The following NELL1 variants were observed in gnomAD, a reference collection of about 807,000 sequenced individuals.
NELL1 encodes neural EGFL like 1, also known as protein kinase C-binding protein NELL1.
In NELL1, 76 loss-of-function variants were observed where a neutral mutation model predicts 107.4. The ratio of observed to expected loss-of-function variants is 0.71; its 90% confidence interval spans 0.59 to 0.86. The LOEUF (loss-of-function observed/expected upper bound fraction) is 0.86, where lower values mean the gene tolerates loss of function less well. Among genes scored for constraint, NELL1 ranks in the 40% least tolerant of loss-of-function variants. The pLI, the probability that NELL1 is intolerant of heterozygous loss-of-function variation, is 0.00. For missense variants in NELL1, 1,024 were observed against 1,005.5 expected (o/e 1.02, Z -0.25); for synonymous variants, 353 against 341.2 (o/e 1.03, Z -0.38).
Position 20,783,592 on chromosome 11 carries a change from T to C in NELL1, c.185-88T>C, listed in dbSNP as rs1017105835. ...TTTTCCTCTTCCTTCTCATCTCCCCTCTCCTCTTTCTCCTATATTTCTTCT... is the reference window on the plus strand; with the variant it reads ...TTTTCCTCTTCCTTCTCATCTCCCCCCTCCTCTTTCTCCTATATTTCTTCT... On this transcript the variant is annotated intron_variant, in intron 2 of 19. Coordinates refer to ENST00000357134, the MANE Select transcript of NELL1 (RefSeq NM_006157.5). 5 of 886,320 alleles carry C rather than the reference T, an allele frequency of 5.6e-6. No individual in the cohort carries two copies. In the African/African-American group the frequency reaches 8.4e-5, roughly 15 times the overall value. The allele number at this position is 886,320 out of a possible 1,614,324, so 54.9% of individuals were successfully genotyped here.
chr11:21,374,552 A>G (rs1851425933), intron 15 of NELL1, among the ~76,000 whole-genome samples: 1 of 152,062 alleles, frequency 6.6e-6, no homozygotes, highest in African/African-American at 2.4e-5. Context: ...TCTGTTCCTT[A>G]GAGGAGACTC....
At chr11:21,035,826 G>A (rs1853077853) in intron 12 of NELL1, among the ~76,000 whole-genome samples, 1 of 151,386 alleles carries the variant, frequency 6.6e-6, no homozygotes, top group African/African-American at 2.4e-5. Context: ...ACTGGCACAA[G>A]ACAAGGGATG....
chr11:20,950,715 G>A (rs762476841), intron 11 of NELL1, among the ~76,000 whole-genome samples: 3 of 152,198 alleles, frequency 2.0e-5, no homozygotes, highest in Non-Finnish European at 4.4e-5. Context: ...CAGCAGCATC[G>A]TTTGCTTTGT....
chr11:20,789,475 G>A (rs993045304), intron 3 of NELL1, among the ~76,000 whole-genome samples: 2 of 152,214 alleles, frequency 1.3e-5, no homozygotes, highest in Non-Finnish European at 2.9e-5. Flanking sequence ...GCCCCAAAGA[G>A]GGAGTCACAG....
At chr11:21,040,326 C>T (rs1853199085) in intron 12 of NELL1, among the ~76,000 whole-genome samples, 1 of 152,100 alleles carries the variant, frequency 6.6e-6, no homozygotes, top group Non-Finnish European at 1.5e-5. Context: ...CTTTGCTTTA[C>T]ATTTTTTCCT....
intron 13 of NELL1, among the ~76,000 whole-genome samples, chr11:21,157,200 C>T (rs1393383627): frequency 1.3e-5 from 2 of 151,320 alleles, no homozygotes; most frequent in African/African-American, 4.9e-5. Flanking sequence ...TATATATACA[C>T]ACACCAAATT....
chr11:21,546,802 G>A (rs1019768772), intron 16 of NELL1, among the ~76,000 whole-genome samples: 1 of 151,906 alleles, frequency 6.6e-6, no homozygotes, highest in Non-Finnish European at 1.5e-5. Context: ...AATGAATATT[G>A]AATAGTTTTT....
intron 13 of NELL1, among the ~76,000 whole-genome samples, chr11:21,165,378 C>G (rs550155132): frequency 6.6e-6 from 1 of 152,152 alleles, no homozygotes; most frequent in Non-Finnish European, 1.5e-5. Flanking sequence ...CTTCAACTCC[C>G]CCTTAGGATC....
intron 10 of NELL1, among the ~76,000 whole-genome samples, chr11:20,943,002 T>C (rs1050864837): frequency 3.3e-5 from 5 of 151,918 alleles, no homozygotes; most frequent in Non-Finnish European, 7.4e-5. Flanking sequence ...TATCACTTAC[T>C]ACTATTACTG....
Position 21,498,707 on chromosome 11 carries a change from A to G in NELL1, c.1646-35667A>G, listed in dbSNP as rs141932757. On this transcript the variant is annotated intron_variant, in intron 15 of 19. Coordinates refer to ENST00000357134, the MANE Select transcript of NELL1 (RefSeq NM_006157.5). ...TTATTTCATCACAGGATAGGACTAT[A>G]TTCAATTTTATTAGATATCAAAAAA... Among the ~76,000 whole-genome samples the G allele has an allele frequency of 3.8e-3, 581 of 152,182 alleles. 4 individuals are homozygous for G. The highest frequency in any genetic ancestry group is 0.014 in the African/African-American group (567 of 41,558).
chr11:20,693,943 C>G (rs1205557802), intron 2 of NELL1, among the ~76,000 whole-genome samples: 1 of 152,028 alleles, frequency 6.6e-6, no homozygotes, highest in East Asian at 1.9e-4. Flanking sequence ...CAGATTTGGT[C>G]TTTTCACATA....
rs372799214 is a variant in NELL1, at chr11:21,400,290, T to G, written c.1645+29342T>G. On this transcript the variant is annotated intron_variant, in intron 15 of 19. Transcript: ENST00000357134. ...GTCTGTTGTTGTTGTTTGCATTCTA[T>G]GAAAAGAATTAACTGTCACAGAAGC... Among the ~76,000 whole-genome samples, 264 of 151,974 alleles carry G rather than the reference T, an allele frequency of 1.7e-3. 7 individuals carry two copies. The South Asian group carries it at 0.052, about 30-fold the overall frequency.
At chr11:20,987,931 A>G (rs1851885458) in intron 12 of NELL1, among the ~76,000 whole-genome samples, 1 of 152,206 alleles carries the variant, frequency 6.6e-6, no homozygotes, top group African/African-American at 2.4e-5. Flanking sequence ...GTTGGTTCTT[A>G]AAACCGTGAT....
chr11:21,172,319 G>A, intron 13 of NELL1, among the ~76,000 whole-genome samples: 1 of 151,822 alleles, frequency 6.6e-6, no homozygotes, highest in Non-Finnish European at 1.5e-5. Context: ...AGCACAGAGT[G>A]GTTTTCTCTA....
At chr11:21,000,307 G>A (rs1228539983) in intron 12 of NELL1, among the ~76,000 whole-genome samples, 1 of 152,094 alleles carries the variant, frequency 6.6e-6, no homozygotes, top group African/African-American at 2.4e-5. Flanking sequence ...GTGTCAGAGG[G>A]TGGTGAGATT....
rs59244392 is a variant in NELL1 at position 21,505,631 on chromosome 11, A to C, written c.1646-28743A>C. Among the ~76,000 whole-genome samples the C allele has an allele frequency of 0.017, 2,565 of 152,236 alleles. 202 individuals carry two copies. The East Asian group carries it at 0.26, about 16-fold the overall frequency. On this transcript the variant is annotated intron_variant, in intron 15 of 19. Transcript: ENST00000357134. ...TGTGATATTTCCTATACCTAGAGTC[A>C]TCTTTTAGCTTTGTCTGATAAAATT...
chr11:20,849,953 A>C (rs1246577202), intron 4 of NELL1, among the ~76,000 whole-genome samples: 1 of 152,170 alleles, frequency 6.6e-6, no homozygotes, highest in Non-Finnish European at 1.5e-5. Flanking sequence ...CCCTCCATAT[A>C]GGTTCCATGC....
intron 18 of NELL1, among the ~76,000 whole-genome samples, chr11:21,572,607 G>A (rs4471416): frequency 0.67 from 98,245 of 147,252 alleles, 35,401 homozygotes; most frequent in Non-Finnish European, 0.82. Flanking sequence ...ACACACAAAA[G>A]CTCCATTTGA....
In NELL1 at chr11:21,011,618, G is replaced by C. The variant is rs377271069; in HGVS notation, c.1300+51058G>C. ...TGGACCCTGAAAGAACTGACAGCTG[G>C]GGAATGTCGGCTGATTACACTCTCT... On this transcript the variant is annotated intron_variant, in intron 12 of 19. Coordinates refer to ENST00000357134, the MANE Select transcript of NELL1 (RefSeq NM_006157.5). Among the ~76,000 whole-genome samples the C allele has an allele frequency of 2.6e-4, 40 of 152,282 alleles. No individual in the cohort carries two copies. In the East Asian group the frequency reaches 5.4e-3, roughly 21 times the overall value.
Sources: gnomAD v4.1 joint callset for allele counts (sites outside exome capture counted in the v4.1 genomes callset) on GRCh38, gnomAD v4.1.1 for gene constraint, MANE v1.5 for transcripts, NCBI Gene and HGNC (gene_info 2026-07-23, HGNC 2026-07-21) for gene names.